The following PRPSAP1 variants were observed in gnomAD, a reference collection of about 807,000 sequenced individuals.
The protein encoded by PRPSAP1 is phosphoribosyl pyrophosphate synthetase associated protein 1, also known as phosphoribosyl pyrophosphate synthase-associated protein 1.
PRPSAP1 carries 31 observed loss-of-function variants against 39.4 expected under a neutral mutation model. The observed-to-expected ratio is 0.79, with a 90% confidence interval of 0.59 to 1.06. The LOEUF (loss-of-function observed/expected upper bound fraction) is 1.06, where lower values mean the gene tolerates loss of function less well. Among genes scored for constraint, PRPSAP1 ranks in the 50% least tolerant of loss-of-function variants. PRPSAP1 has a pLI of 0.00. For synonymous variants in PRPSAP1, 212 were observed against 192.6 expected (o/e 1.10, Z -0.83); for missense variants, 430 against 511.6 (o/e 0.84, Z 1.54).
intron 7 of PRPSAP1, chr17:76,319,353 C>T (rs1413096374): frequency 6.6e-6 from 1 of 152,150 alleles, no homozygotes; most frequent in East Asian, 1.9e-4. Flanking sequence ...GAGCCCAAAT[C>T]TTGGTTTCTA....
chr17:76,314,281 G>A (rs453605), intron 7 of PRPSAP1: 24,372 of 227,842 alleles, frequency 0.11, 1,604 homozygotes, highest in South Asian at 0.17. Flanking sequence ...GTGCAATGAC[G>A]CGATCTTGGC....
intron 3 of PRPSAP1, among the ~76,000 whole-genome samples, chr17:76,336,717 A>C (rs1221367649): frequency 5.1e-5 from 7 of 137,316 alleles, no homozygotes; most frequent in Non-Finnish European, 1.1e-4. Flanking sequence ...GGGCAACAAG[A>C]GTGAAACTCC....
chr17:76,314,235 T>A, intron 7 of PRPSAP1: 21 of 266,900 alleles, frequency 7.9e-5, no homozygotes, highest in East Asian at 3.0e-4. Context: ...TATGTATTTT[T>A]TGAGACGGAG....
rs369029603 is a variant in PRPSAP1, at chr17:76,324,989, A to G, written c.781+3728T>C. 1.7e-4 allele frequency among the ~76,000 whole-genome samples: 25 copies of G among 149,916 alleles called. 2 individuals carry two copies. Among genetic ancestry groups the G allele is most frequent in the East Asian group, 1.4e-3 (7 of 5,060 alleles). ...AGGCTGCGGCAGGAGAATGGTGTGAACCTGGGGGGTGGAGCTTGCAGTGAA... is the reference window on the plus strand; with the variant it reads ...AGGCTGCGGCAGGAGAATGGTGTGAGCCTGGGGGGTGGAGCTTGCAGTGAA... On this transcript the variant is annotated intron_variant, in intron 7 of 9. Coordinates refer to ENST00000446526, the MANE Select transcript of PRPSAP1 (RefSeq NM_002766.3).
chr17:76,332,257 A>G lies in PRPSAP1; in HGVS notation c.463+6T>C. ...CTGGAACCCCAGGGCCCCCGCGCACACTCACCTGCTTTCGCCAGCATGGAT... is the reference window on the plus strand; with the variant it reads ...CTGGAACCCCAGGGCCCCCGCGCACGCTCACCTGCTTTCGCCAGCATGGAT... On this transcript the variant is annotated splice_donor_region_variant and intron_variant, in intron 4 of 9. Transcript: ENST00000446526. 2 of 1,613,602 alleles carry G rather than the reference A, an allele frequency of 1.2e-6. No homozygotes were observed. The highest frequency in any genetic ancestry group is 1.7e-6 in the Non-Finnish European group (2 of 1,179,674).
intron 1 of PRPSAP1, chr17:76,353,306 C>G: frequency 2.0e-6 from 1 of 501,688 alleles, no homozygotes; most frequent in East Asian, 3.6e-5. Context: ...GACCCAGTCA[C>G]GGGGCGGGGG....
In PRPSAP1 at chr17:76,312,927, G is replaced by A. The variant is rs778842280; in HGVS notation, c.942C>T (p.Thr314=). Residue 314 remains threonine (T), a synonymous_variant, in exon 9 of 10, where the codon ACC becomes ACT. Coordinates refer to ENST00000446526, the MANE Select transcript of PRPSAP1 (RefSeq NM_002766.3). The part of the protein sequence containing the change: ...RGAYKIYVMA[T]HGILSAEAPR... ...GGGCCTCTGCAGACAGGATGCCGTG[G>A]GTGGCCATAACATAGATCTTATAGG... is the stretch of plus-strand genomic sequence containing the variant. 2 of 1,614,078 alleles carry A rather than the reference G, an allele frequency of 1.2e-6. No individual in the cohort carries two copies. Among genetic ancestry groups the A allele is most frequent in the East Asian group, 2.2e-5 (1 of 44,884 alleles).
chr17:76,320,295 A>G (rs867582634), intron 7 of PRPSAP1, among the ~76,000 whole-genome samples: 14 of 6,740 alleles, frequency 2.1e-3, no homozygotes, highest in African/African-American at 9.3e-3. Flanking sequence ...AGAAAGAAAG[A>G]AAGAAAAGAA....
chr17:76,344,207 A>C (rs2071470986), intron 3 of PRPSAP1, among the ~76,000 whole-genome samples: 1 of 151,148 alleles, frequency 6.6e-6, no homozygotes, highest in Non-Finnish European at 1.5e-5. Context: ...GGCTCACTGC[A>C]AGCTCTGCCT....
intron 3 of PRPSAP1, among the ~76,000 whole-genome samples, chr17:76,340,814 T>C (rs945395821): frequency 2.1e-4 from 30 of 144,036 alleles, no homozygotes; most frequent in Non-Finnish European, 3.9e-4. Flanking sequence ...TGCTTGAACC[T>C]GGGAGGCGGG....
At chr17:76,340,044 G>A (rs2071418899) in intron 3 of PRPSAP1, among the ~76,000 whole-genome samples, 1 of 151,048 alleles carries the variant, frequency 6.6e-6, no homozygotes, top group South Asian at 2.1e-4. Context: ...GACGGTGGGT[G>A]CTGAGACAGG....
At chr17:76,315,678 C>T (rs1018733529) in intron 7 of PRPSAP1, among the ~76,000 whole-genome samples, 9 of 141,364 alleles carry the variant, frequency 6.4e-5, no homozygotes, top group East Asian at 2.0e-4. Flanking sequence ...CATGTAAACA[C>T]GCAGTTATGT....
chr17:76,341,411 A>T (rs1334952717), intron 3 of PRPSAP1, among the ~76,000 whole-genome samples: 1 of 151,448 alleles, frequency 6.6e-6, no homozygotes, highest in Non-Finnish European at 1.5e-5. Context: ...CTAATTTTCA[A>T]ATTTTATTTG....
intron 1 of PRPSAP1, among the ~76,000 whole-genome samples, chr17:76,352,279 G>GT: frequency 6.6e-6 from 1 of 152,222 alleles, no homozygotes. Context: ...TCTAACAAGT[G>GT]TATGTAGAAA....
chr17:76,353,311 CG>C, intron 1 of PRPSAP1: 1 of 507,464 alleles, frequency 2.0e-6, no homozygotes, highest in East Asian at 3.6e-5. Flanking sequence ...AGTCACGGGG[CG>C]GGGGGCTGAG....
At chr17:76,333,362 G>A (rs965985048) in intron 3 of PRPSAP1, among the ~76,000 whole-genome samples, 3 of 152,090 alleles carry the variant, frequency 2.0e-5, no homozygotes, top group African/African-American at 4.8e-5. Context: ...CGCCCACCTC[G>A]GCCTCCCAAA....
chr17:76,340,964 C>CA (rs1246524085), intron 3 of PRPSAP1, among the ~76,000 whole-genome samples: 1 of 151,056 alleles, frequency 6.6e-6, no homozygotes, highest in African/African-American at 2.4e-5. Context: ...TCCCTGGTGC[C>CA]AAAAAGGTTG....
chr17:76,337,830 C>T (rs561534282), intron 3 of PRPSAP1, among the ~76,000 whole-genome samples: 3 of 152,250 alleles, frequency 2.0e-5, no homozygotes, highest in African/African-American at 7.2e-5. Flanking sequence ...TGGTCTCAAA[C>T]TCCTGACCAA....
At chr17:76,333,667 AAAC>A (rs1456896631) in intron 3 of PRPSAP1, among the ~76,000 whole-genome samples, 1 of 132,326 alleles carries the variant, frequency 7.6e-6, no homozygotes, top group East Asian at 2.1e-4. Context: ...AAAACAAAAC[AAAC>A]AAAAAAAAAC....
Sources: allele counts gnomAD v4.1 joint callset (sites outside exome capture counted in the v4.1 genomes callset), GRCh38; gene constraint gnomAD v4.1.1; transcripts MANE v1.5; gene names NCBI Gene and HGNC (gene_info 2026-07-23, HGNC 2026-07-21).